The following GPR137C variants were observed in gnomAD, a reference collection of about 807,000 sequenced individuals.
GPR137C encodes integral membrane protein GPR137C.
In GPR137C, 27 loss-of-function variants were observed where a neutral mutation model predicts 43.4. The observed-to-expected ratio is 0.62, with a 90% CI of 0.46 to 0.86. GPR137C has a LOEUF of 0.86. Among genes scored for constraint, GPR137C ranks in the 40% least tolerant of loss-of-function variants. GPR137C has a pLI of 0.00. For missense variants in GPR137C, 522 were observed against 534.6 expected, an observed-to-expected ratio of 0.98 and a Z score of 0.23; for synonymous variants, 285 against 226.9, an observed-to-expected ratio of 1.26 and a Z score of -2.30.
At chr14:52,595,416 C>T (rs571911317) in intron 1 of GPR137C, among the ~76,000 whole-genome samples, 2 of 151,922 alleles carry the variant, frequency 1.3e-5, no homozygotes, top group East Asian at 3.9e-4. Flanking sequence ...AGAGTGTTTT[C>T]TAACTTGGTT....
intron 3 of GPR137C, among the ~76,000 whole-genome samples, chr14:52,626,173 G>A (rs927751239): frequency 6.6e-6 from 1 of 152,148 alleles, no homozygotes; most frequent in Non-Finnish European, 1.5e-5. Flanking sequence ...TAAGGGACTT[G>A]AATATCTGTG....
intron 1 of GPR137C, among the ~76,000 whole-genome samples, chr14:52,557,132 C>G (rs2038207180): frequency 6.6e-6 from 1 of 152,114 alleles, no homozygotes; most frequent in Non-Finnish European, 1.5e-5. Flanking sequence ...AATCACATTT[C>G]TACCACCTAA....
intron 3 of GPR137C, among the ~76,000 whole-genome samples, chr14:52,613,983 G>T (rs564754084): frequency 1.2e-4 from 19 of 152,202 alleles, no homozygotes; most frequent in African/African-American, 4.3e-4. Flanking sequence ...AGTGTCCAAG[G>T]TTCCCTTTTC....
intron 1 of GPR137C, among the ~76,000 whole-genome samples, chr14:52,577,732 GCAGGCGGATCGCTTGAAC>G (rs1231106295): frequency 6.6e-6 from 1 of 150,978 alleles, no homozygotes; most frequent in Admixed American, 6.6e-5. Context: ...GGAGGCTGAG[GCAGGCGGATCGCTTGAAC>G]CCAGGAGTTT....
intron 1 of GPR137C, among the ~76,000 whole-genome samples, chr14:52,559,360 G>A (rs926453119): frequency 1.8e-4 from 27 of 151,936 alleles, no homozygotes; most frequent in South Asian, 1.0e-3. Context: ...CTAGCCTGGC[G>A]ACAGAGCAAG....
At chr14:52,577,516 GCACACACACA>G (rs3064748) in intron 1 of GPR137C, among the ~76,000 whole-genome samples, 2 of 145,504 alleles carry the variant, frequency 1.4e-5, no homozygotes, top group South Asian at 2.2e-4. Context: ...GCGCGCGCGC[GCACACACACA>G]CACACACACA....
chr14:52,573,065 A>T (rs1247302689), intron 1 of GPR137C, among the ~76,000 whole-genome samples: 1 of 152,232 alleles, frequency 6.6e-6, no homozygotes, highest in Admixed American at 6.5e-5. Context: ...TGCTCAAGGA[A>T]ATAAGAGAGG....
At chr14:52,599,384 A>G (rs2139524801) in intron 2 of GPR137C, among the ~76,000 whole-genome samples, 1 of 151,900 alleles carries the variant, frequency 6.6e-6, no homozygotes, top group South Asian at 2.1e-4. Flanking sequence ...TCAGAAGTTC[A>G]TAAGGAATAT....
chr14:52,608,590 TA>T (rs1419710651), intron 3 of GPR137C, among the ~76,000 whole-genome samples: 2 of 152,216 alleles, frequency 1.3e-5, no homozygotes, highest in Admixed American at 6.5e-5. Flanking sequence ...TCCTGTGGTT[TA>T]AAAAAATTCC....
chr14:52,614,197 C>T (rs2039071175), intron 3 of GPR137C, among the ~76,000 whole-genome samples: 1 of 151,550 alleles, frequency 6.6e-6, no homozygotes, highest in Admixed American at 6.6e-5. Flanking sequence ...CTCAGCTCCC[C>T]GCAGCCTCAA....
intron 1 of GPR137C, among the ~76,000 whole-genome samples, chr14:52,568,410 T>C (rs756526808): frequency 1.3e-5 from 2 of 150,252 alleles, no homozygotes; most frequent in Admixed American, 1.3e-4. Context: ...ACTGCAGGAG[T>C]TTTTTTTTCA....
chr14:52,574,345 A>T (rs1312163015), intron 1 of GPR137C, among the ~76,000 whole-genome samples: 1 of 152,218 alleles, frequency 6.6e-6, no homozygotes, highest in Non-Finnish European at 1.5e-5. Flanking sequence ...TAGACTGGAT[A>T]AAGAAAATGT....
chr14:52,627,339 G>A (rs1030174551), intron 3 of GPR137C, among the ~76,000 whole-genome samples: 5 of 152,158 alleles, frequency 3.3e-5, no homozygotes, highest in African/African-American at 1.2e-4. Flanking sequence ...GCTGCAGTGA[G>A]CTTTGATCAC....
intron 1 of GPR137C, among the ~76,000 whole-genome samples, chr14:52,581,024 C>T (rs1345484933): frequency 2.7e-5 from 4 of 150,310 alleles, no homozygotes; most frequent in Admixed American, 6.6e-5. Flanking sequence ...CATGGCAAAA[C>T]CCCACTGAAA....
intron 3 of GPR137C, among the ~76,000 whole-genome samples, chr14:52,610,640 G>A (rs7161013): frequency 0.087 from 13,276 of 152,236 alleles, 776 homozygotes; most frequent in Middle Eastern, 0.16. Context: ...TATCCACTTA[G>A]GGTTTTGGAA....
chr14:52,566,854 G>A (rs1461941141), intron 1 of GPR137C, among the ~76,000 whole-genome samples: 1 of 152,220 alleles, frequency 6.6e-6, no homozygotes, highest in Non-Finnish European at 1.5e-5. Context: ...GCTCACGCCT[G>A]TAATCCCAGC....
intron 1 of GPR137C, among the ~76,000 whole-genome samples, chr14:52,586,768 T>G (rs1043657270): frequency 1.3e-5 from 2 of 152,228 alleles, no homozygotes; most frequent in African/African-American, 4.8e-5. Context: ...TATTTCTGCC[T>G]AGATGTAATA....
chr14:52,603,147 C>A (rs2038945845), intron 3 of GPR137C, among the ~76,000 whole-genome samples: 1 of 152,206 alleles, frequency 6.6e-6, no homozygotes, highest in Admixed American at 6.5e-5. Context: ...TACTCTACCT[C>A]CATGAGATCC....
chr14:52,567,035 C>T (rs74890789), intron 1 of GPR137C, among the ~76,000 whole-genome samples: 1 of 152,122 alleles, frequency 6.6e-6, no homozygotes, highest in South Asian at 2.1e-4. Flanking sequence ...CTCACTTGAA[C>T]CCGGGAGGTG....
Sources: allele counts gnomAD v4.1 joint callset (sites outside exome capture counted in the v4.1 genomes callset), GRCh38; gene constraint gnomAD v4.1.1; transcripts MANE v1.5; gene names NCBI Gene and HGNC (gene_info 2026-07-23, HGNC 2026-07-21).